KCNU1: variants seen among roughly 807,000 people sequenced by gnomAD.
KCNU1 encodes potassium calcium-activated channel subfamily U member 1.
A neutral mutation model predicts 126.8 loss-of-function variants in KCNU1; 93 were observed. The ratio of observed to expected loss-of-function variants is 0.73; its 90% CI spans 0.62 to 0.87. The LOEUF (loss-of-function observed/expected upper bound fraction) is 0.87. Ranked by LOEUF, KCNU1 falls within the 40% of genes least tolerant of loss-of-function variation. The pLI, the probability that KCNU1 is intolerant of heterozygous loss-of-function variation, is 0.00. For synonymous variants in KCNU1, 523 were observed against 494.2 expected (o/e 1.06, Z -0.77); for missense variants, 1,330 against 1,367.1 (o/e 0.97, Z 0.43).
chr8:36,867,189 G>A (rs537329938), intron 19 of KCNU1, among the ~76,000 whole-genome samples: 1 of 152,270 alleles, frequency 6.6e-6, no homozygotes, highest in Admixed American at 6.5e-5. Context: ...TACATTGATG[G>A]TTCTGGCAGA....
intron 14 of KCNU1, 56 bp downstream of exon 14, chr8:36,837,001 A>G: frequency 6.4e-7 from 1 of 1,570,424 alleles, no homozygotes; most frequent in South Asian, 1.1e-5. Context: ...CTACATATTA[A>G]GATCAGAAAT....
chr8:36,925,240 C>T (rs1808494660), intron 24 of KCNU1, among the ~76,000 whole-genome samples: 1 of 152,182 alleles, frequency 6.6e-6, no homozygotes, highest in Admixed American at 6.5e-5. Context: ...GATCACAACA[C>T]ACAGTGGATC....
chr8:36,829,370 A>G (rs1381175413), intron 10 of KCNU1, among the ~76,000 whole-genome samples: 3 of 151,912 alleles, frequency 2.0e-5, no homozygotes, highest in East Asian at 3.9e-4. Context: ...AATATGTTGA[A>G]CTACATTTCC....
chr8:36,887,452 G>GTTTTT (rs138240609), intron 19 of KCNU1, among the ~76,000 whole-genome samples: 1 of 99,286 alleles, frequency 1.0e-5, no homozygotes. Context: ...GTTTTTTTTT[G>GTTTTT]TTTTTTTTTT....
intron 23 of KCNU1, among the ~76,000 whole-genome samples, chr8:36,919,446 A>AAC (rs1463886624): frequency 1.4e-5 from 2 of 147,786 alleles, no homozygotes; most frequent in Non-Finnish European, 3.0e-5. Context: ...AAAAAAAAAA[A>AAC]CTCTCGAAGA....
chr8:36,805,975 C>T (rs925824544), intron 4 of KCNU1, among the ~76,000 whole-genome samples: 1 of 152,152 alleles, frequency 6.6e-6, no homozygotes, highest in African/African-American at 2.4e-5. Context: ...TCCTGGGTAG[C>T]TGGGATTACA....
At chr8:36,918,922 T>C (rs926399143) in intron 23 of KCNU1, 25 bp downstream of exon 23, 18 of 1,431,460 alleles carry the variant, frequency 1.3e-5, no homozygotes, top group Non-Finnish European at 1.7e-5. Context: ...GAGGGGAAAA[T>C]TCAATGGAGA....
chr8:36,839,752 G>T (rs1804881936), intron 14 of KCNU1, among the ~76,000 whole-genome samples: 1 of 152,154 alleles, frequency 6.6e-6, no homozygotes, highest in African/African-American at 2.4e-5. Flanking sequence ...AGACTGTCTT[G>T]CCATATCAGA....
At chr8:36,902,381 A>G (rs958702598) in intron 19 of KCNU1, among the ~76,000 whole-genome samples, 1 of 152,262 alleles carries the variant, frequency 6.6e-6, no homozygotes, top group South Asian at 2.1e-4. Flanking sequence ...AGGGCATTTA[A>G]CTACCAGACC....
At chr8:36,874,076 C>G (rs1407241991) in intron 19 of KCNU1, among the ~76,000 whole-genome samples, 2 of 151,996 alleles carry the variant, frequency 1.3e-5, no homozygotes, top group Non-Finnish European at 2.9e-5. Flanking sequence ...ATTTTTTTCC[C>G]TAGATCTTTT....
At chr8:36,863,329 G>T (rs1421261883) in intron 18 of KCNU1, among the ~76,000 whole-genome samples, 1 of 152,170 alleles carries the variant, frequency 6.6e-6, no homozygotes, top group Non-Finnish European at 1.5e-5. Flanking sequence ...TCCAAGCACA[G>T]AAATAATGCT....
At chr8:36,882,229 T>C (rs775266973) in intron 19 of KCNU1, among the ~76,000 whole-genome samples, 3 of 152,186 alleles carry the variant, frequency 2.0e-5, no homozygotes, top group Non-Finnish European at 4.4e-5. Flanking sequence ...AAAGTCCATA[T>C]TTACCAATCA....
At chr8:36,831,841 G>A (rs1205262513) in intron 10 of KCNU1, among the ~76,000 whole-genome samples, 11 of 151,236 alleles carry the variant, frequency 7.3e-5, no homozygotes, top group Middle Eastern at 3.4e-3. Flanking sequence ...GCCCATGCCT[G>A]TGTCCTGAAT....
intron 19 of KCNU1, among the ~76,000 whole-genome samples, chr8:36,885,175 A>G (rs1006157308): frequency 1.3e-5 from 2 of 152,158 alleles, no homozygotes; most frequent in Non-Finnish European, 2.9e-5. Flanking sequence ...CAGAAATCCT[A>G]CCAGGCTCTA....
At position 36,784,503 on chromosome 8, in the gene KCNU1, C is replaced by T. The variant is rs772802969; in HGVS notation, c.93C>T (p.Ser31=). The change falls in exon 1 of 27, where the codon TCC becomes TCT. Residue 31 remains serine, a synonymous_variant. Transcript: ENST00000399881. ...TEIQAAFILS[S]FVTFFSGLII... ...TCCAAGCAGCATTCATTCTCTCTTC[C>T]TTTGTGACCTTCTTCAGTGGACTCA... The T allele has an allele frequency of 1.9e-6, 3 of 1,613,914 alleles. No individual in the cohort carries two copies. Among genetic ancestry groups the T allele is most frequent in the East Asian group, 4.5e-5 (2 of 44,866 alleles).
chr8:36,789,180 A>G (rs1802814847), intron 2 of KCNU1, among the ~76,000 whole-genome samples: 1 of 151,198 alleles, frequency 6.6e-6, no homozygotes, highest in South Asian at 2.1e-4. Flanking sequence ...GCATAGCAAG[A>G]CCTCACCTCT....
chr8:36,891,467 G>C (rs558778232), intron 19 of KCNU1, among the ~76,000 whole-genome samples: 35 of 152,112 alleles, frequency 2.3e-4, no homozygotes, highest in Middle Eastern at 3.4e-3. Flanking sequence ...TGGATGCTTG[G>C]AAGAATGGAT....
At chr8:36,872,881 G>GC (rs1806152257) in intron 19 of KCNU1, among the ~76,000 whole-genome samples, 1 of 152,118 alleles carries the variant, frequency 6.6e-6, no homozygotes, top group African/African-American at 2.4e-5. Flanking sequence ...ACTTTGGGAG[G>GC]CCAAGGTGGG....
chr8:36,887,268 G>A lies in KCNU1; in HGVS notation c.2010-18440G>A, dbSNP rs560424157. 1.7e-4 allele frequency among the ~76,000 whole-genome samples: 26 copies of A among 152,162 alleles called. No individual in the cohort carries two copies. In the South Asian group the frequency reaches 2.3e-3, roughly 13 times the overall value. ...GTACTAATTTACATTCCCACCAACCGTGTAGAAGCATTCCCTTTTTGCCAC... is the reference window on the plus strand; with the variant it reads ...GTACTAATTTACATTCCCACCAACCATGTAGAAGCATTCCCTTTTTGCCAC... On this transcript the variant is annotated intron_variant, in intron 19 of 26. Transcript: ENST00000399881.
Sources: gnomAD v4.1 joint callset for allele counts (sites outside exome capture counted in the v4.1 genomes callset) on GRCh38, gnomAD v4.1.1 for gene constraint, MANE v1.5 for transcripts, NCBI Gene and HGNC (gene_info 2026-07-23, HGNC 2026-07-21) for gene names.